Variants in PTPRD observed in about 807,000 individuals in gnomAD.
PTPRD encodes receptor-type tyrosine-protein phosphatase delta.
PTPRD carries 34 observed loss-of-function variants against 214.5 expected under a neutral mutation model. The ratio of observed to expected loss-of-function variants is 0.16; its 90% CI spans 0.12 to 0.21. The LOEUF (loss-of-function observed/expected upper bound fraction) is 0.21. PTPRD is among the 10% of genes least tolerant of loss of function. The pLI is 1.00. For synonymous variants in PTPRD, 1,128 were observed against 845.7 expected, an observed-to-expected ratio of 1.33 and a Z score of -5.79; for missense variants, 2,545 against 2,398.7, an observed-to-expected ratio of 1.06 and a Z score of -1.27.
At chr9:8,806,158 C>A (rs1317012268) in intron 11 of PTPRD, among the ~76,000 whole-genome samples, 6 of 150,828 alleles carry the variant, frequency 4.0e-5, no homozygotes, top group African/African-American at 1.2e-4. Flanking sequence ...CTCCTGATCT[C>A]AGGTGATCCA....
At chr9:8,865,570 C>CT (rs1276638996) in intron 11 of PTPRD, among the ~76,000 whole-genome samples, 7 of 152,078 alleles carry the variant, frequency 4.6e-5, no homozygotes, top group Admixed American at 2.6e-4. Context: ...TCCTTTTCTT[C>CT]TTTTTTCCTA....
At chr9:9,986,825 A>T (rs2095728738) in intron 4 of PTPRD, among the ~76,000 whole-genome samples, 1 of 152,136 alleles carries the variant, frequency 6.6e-6, no homozygotes, top group African/African-American at 2.4e-5. Context: ...AAGTTCTGAG[A>T]TCTACTGTAC....
rs1447194440 is a variant in PTPRD, at chr9:8,915,333, TAAGTAA to T, written c.-104+103358_-104+103363del. ...GGTCGAAGATGCTACAACACTAATA[TAAGTAA>T]AAGACAGAACTCTGGTGGTGACCAT... is the stretch of plus-strand genomic sequence containing the variant. On this transcript the variant is annotated intron_variant, in intron 11 of 45. Coordinates refer to ENST00000381196, the MANE Select transcript of PTPRD (RefSeq NM_002839.4). Among the ~76,000 whole-genome samples the T allele has an allele frequency of 3.9e-5, 6 of 152,196 alleles. No individual in the cohort carries two copies. In the East Asian group the frequency reaches 9.7e-4, roughly 25 times the overall value.
rs551978163 is a variant in PTPRD at position 9,917,109 on chromosome 9, C to A, written c.-368+21398G>T. Among the ~76,000 whole-genome samples, 18 of 143,854 alleles carry A rather than the reference C, an allele frequency of 1.3e-4. No homozygotes were observed. In the South Asian group the frequency reaches 4.0e-3, roughly 32 times the overall value. 94.4% of individuals were successfully genotyped at this position (143,854 alleles called of 152,430 possible). On this transcript the variant is annotated intron_variant, in intron 5 of 45. Coordinates refer to ENST00000381196, the MANE Select transcript of PTPRD (RefSeq NM_002839.4). ...CAATAAATGTCTACATCAAAAAAAACTAGAAAAATTGTAAATAAACAATCT... is the reference window on the plus strand; with the variant it reads ...CAATAAATGTCTACATCAAAAAAAAATAGAAAAATTGTAAATAAACAATCT...
chr9:10,416,941 T>C (rs183724004), intron 2 of PTPRD, among the ~76,000 whole-genome samples: 177 of 152,044 alleles, frequency 1.2e-3, no homozygotes, highest in South Asian at 2.7e-3. Flanking sequence ...GCACAGCAAA[T>C]AGATTTTGCA....
chr9:8,839,250 C>T (rs564203259), intron 11 of PTPRD, among the ~76,000 whole-genome samples: 13 of 152,106 alleles, frequency 8.5e-5, no homozygotes, highest in African/African-American at 3.1e-4. Context: ...AGTGTTTTGC[C>T]TATTAAATGA....
Position 9,363,237 on chromosome 9 carries a change from C to G in PTPRD, c.-203+34212G>C, listed in dbSNP as rs183096977. 2.7e-5 allele frequency among the ~76,000 whole-genome samples: 4 copies of G among 149,862 alleles called. No homozygotes were observed. In the East Asian group the frequency reaches 8.0e-4, roughly 30 times the overall value. On this transcript the variant is annotated intron_variant, in intron 9 of 45. Transcript: ENST00000381196. Reference sequence around the variant, plus strand: ...AATGATAAGGCCACAAGAGCAATTACTGATCAACACCCCAAAAGGCATCTA... The same window carrying G: ...AATGATAAGGCCACAAGAGCAATTAGTGATCAACACCCCAAAAGGCATCTA...
intron 2 of PTPRD, among the ~76,000 whole-genome samples, chr9:10,517,254 G>T (rs917679799): frequency 2.0e-5 from 3 of 151,662 alleles, no homozygotes; most frequent in Non-Finnish European, 2.9e-5. Flanking sequence ...TCAGTGTTTT[G>T]TATTTTTCAG....
chr9:10,287,013 G>C (rs12345809), intron 3 of PTPRD, among the ~76,000 whole-genome samples: 11,435 of 152,218 alleles, frequency 0.075, 498 homozygotes, highest in South Asian at 0.19. Flanking sequence ...AGTAAAGTTA[G>C]AGCTAGTAGG....
chr9:9,332,273 G>C (rs1336801160), intron 9 of PTPRD, among the ~76,000 whole-genome samples: 5 of 151,896 alleles, frequency 3.3e-5, no homozygotes, highest in African/African-American at 1.2e-4. Context: ...ATCATTTCCA[G>C]AAACAGCAGG....
At chr9:9,209,774 T>C (rs1318279645) in intron 9 of PTPRD, among the ~76,000 whole-genome samples, 1 of 152,182 alleles carries the variant, frequency 6.6e-6, no homozygotes, top group Non-Finnish European at 1.5e-5. Context: ...TATTTAAAAA[T>C]ATATATCCTG....
chr9:9,945,043 G>C (rs2092350920), intron 4 of PTPRD, among the ~76,000 whole-genome samples: 1 of 152,096 alleles, frequency 6.6e-6, no homozygotes, highest in Non-Finnish European at 1.5e-5. Flanking sequence ...AAGGTAAAAA[G>C]AATTTGTGAG....
At chr9:8,814,068 G>T (rs948307637) in intron 11 of PTPRD, among the ~76,000 whole-genome samples, 1 of 152,170 alleles carries the variant, frequency 6.6e-6, no homozygotes. Flanking sequence ...TCTCCCCAGA[G>T]CACAGCACCT....
At chr9:9,577,300 A>C (rs2089207644) in intron 7 of PTPRD, among the ~76,000 whole-genome samples, 1 of 152,166 alleles carries the variant, frequency 6.6e-6, no homozygotes, top group Non-Finnish European at 1.5e-5. Flanking sequence ...ATGGTGGCTA[A>C]TGTCTGTAAC....
intron 4 of PTPRD, among the ~76,000 whole-genome samples, chr9:9,947,636 T>TA: frequency 1.4e-5 from 1 of 70,246 alleles, no homozygotes; most frequent in Non-Finnish European, 2.5e-5. Flanking sequence ...AATATATATT[T>TA]TATATATATA....
At position 8,485,317 on chromosome 9, in the gene PTPRD, T is replaced by C. The variant is rs750140513; in HGVS notation, c.3063A>G (p.Ala1021=). ...TTACTGCTTTGACATGAAAATTTTT[T>C]GCAAACACTGCTGGAAAAGGAAAAA... The part of the protein sequence containing the change: ...FRTLPVDQVF[A]KNFHVKAVMK... The change falls in exon 29 of 46, where the codon GCA becomes GCG. Residue 1021 remains alanine, a synonymous_variant. Coordinates refer to ENST00000381196, the MANE Select transcript of PTPRD (RefSeq NM_002839.4). 2.5e-6 allele frequency: 4 copies of C among 1,613,698 alleles called. No individual in the cohort carries two copies. Among genetic ancestry groups the C allele is most frequent in the Non-Finnish European group, 3.4e-6 (4 of 1,179,658 alleles).
At chr9:8,359,129 AAAAAAAAAAC>A (rs1357204272) in intron 39 of PTPRD, among the ~76,000 whole-genome samples, 13,782 of 106,696 alleles carry the variant, frequency 0.13, 4,876 homozygotes, top group East Asian at 0.18. Flanking sequence ...AAAACAAAAA[AAAAAAAAAAC>A]AAAAAAAAAT....
chr9:8,423,896 A>C (rs973000304), intron 35 of PTPRD, among the ~76,000 whole-genome samples: 3 of 152,204 alleles, frequency 2.0e-5, no homozygotes, highest in Non-Finnish European at 4.4e-5. Context: ...AGGTAGTTAT[A>C]GAATCAATCT....
chr9:9,757,522 G>C (rs1596940434), intron 6 of PTPRD, among the ~76,000 whole-genome samples: 1 of 152,206 alleles, frequency 6.6e-6, no homozygotes, highest in Non-Finnish European at 1.5e-5. Flanking sequence ...TTCAGAAAAA[G>C]TTAAAACACT....
Sources: gnomAD v4.1 joint callset for allele counts (sites outside exome capture counted in the v4.1 genomes callset) on GRCh38, gnomAD v4.1.1 for gene constraint, MANE v1.5 for transcripts, NCBI Gene and HGNC (gene_info 2026-07-23, HGNC 2026-07-21) for gene names.